XKR6: variants seen among roughly 807,000 people sequenced by gnomAD.
XKR6 encodes XK-related protein 6.
Under a neutral mutation model 56.7 loss-of-function variants are expected in XKR6, and 22 were observed. The observed-to-expected ratio is 0.39, with a 90% CI of 0.28 to 0.55. The LOEUF is 0.55. Among genes scored for constraint, XKR6 ranks in the 20% least tolerant of loss-of-function variants. The pLI is 0.66. For missense variants in XKR6, 852 were observed against 889.0 expected (o/e 0.96, Z 0.53); for synonymous variants, 524 against 387.8 (o/e 1.35, Z -4.13).
At chr8:11,060,244 G>C (rs551494534) in intron 1 of XKR6, among the ~76,000 whole-genome samples, 273 of 152,280 alleles carry the variant, frequency 1.8e-3, no homozygotes, top group African/African-American at 6.3e-3. Flanking sequence ...CTAATAGCCA[G>C]ACTTTGGTGA....
At chr8:11,015,731 C>T (rs895141637) in intron 1 of XKR6, among the ~76,000 whole-genome samples, 3 of 151,838 alleles carry the variant, frequency 2.0e-5, no homozygotes, top group African/African-American at 7.3e-5. Context: ...CGGGGGCGGG[C>T]TCGGGGTAAG....
intron 1 of XKR6, among the ~76,000 whole-genome samples, chr8:11,185,073 C>A (rs901454271): frequency 6.6e-6 from 1 of 152,102 alleles, no homozygotes; most frequent in African/African-American, 2.4e-5. Flanking sequence ...GGTTTATTAA[C>A]GCATTTACCT....
chr8:11,072,714 C>T (rs1233468324), intron 1 of XKR6, among the ~76,000 whole-genome samples: 3 of 152,178 alleles, frequency 2.0e-5, no homozygotes, highest in African/African-American at 7.2e-5. Flanking sequence ...ACAGGTGTGG[C>T]CAGAGTGTCT....
intron 1 of XKR6, among the ~76,000 whole-genome samples, chr8:11,085,645 A>T (rs1027915732): frequency 3.9e-5 from 6 of 152,158 alleles, no homozygotes; most frequent in Non-Finnish European, 8.8e-5. Flanking sequence ...TGCCCGCCAT[A>T]GGATGGTCTC....
chr8:11,000,487 A>T (rs1359418194), intron 1 of XKR6, among the ~76,000 whole-genome samples: 3 of 152,038 alleles, frequency 2.0e-5, no homozygotes, highest in Non-Finnish European at 1.5e-5. Context: ...AGAGCTCGAA[A>T]CCAGCCTAGC....
chr8:10,976,739 A>G (rs1802574925), intron 1 of XKR6, among the ~76,000 whole-genome samples: 1 of 147,192 alleles, frequency 6.8e-6, no homozygotes, highest in Non-Finnish European at 1.5e-5. Context: ...CCATATCACT[A>G]GGCTACCTCG....
intron 1 of XKR6, chr8:11,194,949 C>A (rs956288185): frequency 2.4e-5 from 13 of 544,618 alleles, no homozygotes; most frequent in African/African-American, 5.8e-5. Flanking sequence ...ATTTTTTCAT[C>A]CCCTTCCCTT....
chr8:11,105,334 C>G (rs1292147016), intron 1 of XKR6: 1 of 152,196 alleles, frequency 6.6e-6, no homozygotes, highest in African/African-American at 2.4e-5. Context: ...CAATTTAAGG[C>G]TGAAAAAAAT....
At chr8:11,158,927 C>T (rs1801658236) in intron 1 of XKR6, among the ~76,000 whole-genome samples, 1 of 152,198 alleles carries the variant, frequency 6.6e-6, no homozygotes, top group African/African-American at 2.4e-5. Flanking sequence ...CAGTCTTACC[C>T]TTCCTGCAAC....
intron 1 of XKR6, among the ~76,000 whole-genome samples, chr8:11,069,171 T>A (rs1800054781): frequency 6.6e-6 from 1 of 150,920 alleles, no homozygotes; most frequent in Non-Finnish European, 1.5e-5. Context: ...CTTAATGGGA[T>A]AAAGAGTAGA....
At position 11,036,102 on chromosome 8, in the gene XKR6, C is replaced by G. The variant is rs939484637; in HGVS notation, c.765-111272G>C. ...GGGACCACAGATACCCACCACCATA[C>G]CAGGCTAATTGTTTTTCTTAGTTTT... On this transcript the variant is annotated intron_variant, in intron 1 of 2. Transcript: ENST00000416569. Among the ~76,000 whole-genome samples, 18 of 152,016 alleles carry G rather than the reference C, an allele frequency of 1.2e-4. No individual in the cohort carries two copies. In the South Asian group the frequency reaches 1.2e-3, roughly 11 times the overall value.
intron 1 of XKR6, among the ~76,000 whole-genome samples, chr8:10,989,920 G>C (rs75534473): frequency 6.6e-6 from 1 of 152,162 alleles, no homozygotes; most frequent in South Asian, 2.1e-4. Context: ...TGTTTGCCAC[G>C]TGTAACAGGA....
At chr8:11,160,911 C>CAAAAAA (rs33931830) in intron 1 of XKR6, among the ~76,000 whole-genome samples, 9 of 63,774 alleles carry the variant, frequency 1.4e-4, no homozygotes, top group Admixed American at 2.0e-4. Flanking sequence ...GACTCCGTCT[C>CAAAAAA]AAAAAAAAAA....
At chr8:11,168,915 T>C (rs1027342731) in intron 1 of XKR6, among the ~76,000 whole-genome samples, 25 of 152,306 alleles carry the variant, frequency 1.6e-4, no homozygotes, top group African/African-American at 5.5e-4. Flanking sequence ...ATGTACGCAG[T>C]GGGCTCTGTT....
chr8:11,083,201 C>A (rs1441665812), intron 1 of XKR6, among the ~76,000 whole-genome samples: 1 of 152,212 alleles, frequency 6.6e-6, no homozygotes, highest in East Asian at 1.9e-4. Context: ...CTGCCATTAT[C>A]CACCACACAC....
rs527705606 is a variant in XKR6, at chr8:10,971,328, G to A, written c.765-46498C>T. ...CCCGGCTACTCGGGAGGCTGAGGCA[G>A]GAGAATGGCGTGAACCCAGGAGGCG... is the stretch of plus-strand genomic sequence containing the variant. On this transcript the variant is annotated intron_variant, in intron 1 of 2. Coordinates refer to ENST00000416569, the MANE Select transcript of XKR6 (RefSeq NM_173683.4). 7.9e-5 allele frequency among the ~76,000 whole-genome samples: 12 copies of A among 152,102 alleles called. No individual in the cohort carries two copies. The East Asian group carries it at 2.3e-3, about 30-fold the overall frequency.
At chr8:11,042,347 A>C (rs1219189964) in intron 1 of XKR6, among the ~76,000 whole-genome samples, 1 of 151,794 alleles carries the variant, frequency 6.6e-6, no homozygotes, top group African/African-American at 2.4e-5. Context: ...TAATCCCCAC[A>C]TGTCATGGGA....
At chr8:11,041,801 G>A (rs942547309) in intron 1 of XKR6, among the ~76,000 whole-genome samples, 3 of 152,198 alleles carry the variant, frequency 2.0e-5, no homozygotes, top group African/African-American at 7.2e-5. Flanking sequence ...TACGCTACTG[G>A]TGGAATAAGA....
chr8:11,173,621 C>T (rs6980506), intron 1 of XKR6, among the ~76,000 whole-genome samples: 2 of 152,038 alleles, frequency 1.3e-5, no homozygotes, highest in Non-Finnish European at 2.9e-5. Flanking sequence ...GTGAGTGACA[C>T]ACATGCACAG....
Sources: allele counts gnomAD v4.1 joint callset (sites outside exome capture counted in the v4.1 genomes callset), GRCh38; gene constraint gnomAD v4.1.1; transcripts MANE v1.5; gene names NCBI Gene and HGNC (gene_info 2026-07-23, HGNC 2026-07-21).